The following REEP1 variants were observed in gnomAD, a reference collection of about 807,000 sequenced individuals.
The protein encoded by REEP1 is receptor expression-enhancing protein 1.
In REEP1, 22 loss-of-function variants were observed where a neutral mutation model predicts 40.3. The observed-to-expected ratio is 0.55, with a 90% CI of 0.39 to 0.78. The LOEUF (loss-of-function observed/expected upper bound fraction) is 0.78. Among genes scored for constraint, REEP1 ranks in the 30% least tolerant of loss-of-function variants. The probability of loss-of-function intolerance (pLI) is 0.00; values close to 1 mark genes in which losing one functional copy is unlikely to be tolerated. For synonymous variants in REEP1, 116 were observed against 139.2 expected (o/e 0.83, Z 1.17); for missense variants, 280 against 361.1 (o/e 0.78, Z 1.82).
At chr2:86,234,517 C>CA (rs1445524844) in intron 5 of REEP1, among the ~76,000 whole-genome samples, 1 of 151,456 alleles carries the variant, frequency 6.6e-6, no homozygotes, top group African/African-American at 2.4e-5. Context: ...GGCCCTGTCT[C>CA]AAAAAAATAA....
intron 2 of REEP1, among the ~76,000 whole-genome samples, chr2:86,268,556 C>T (rs1270304176): frequency 1.3e-5 from 2 of 152,116 alleles, no homozygotes; most frequent in Non-Finnish European, 2.9e-5. Flanking sequence ...CAGCTCTTCC[C>T]AACTTGATCT....
intron 2 of REEP1, among the ~76,000 whole-genome samples, chr2:86,265,825 C>T (rs946283373): frequency 2.6e-5 from 4 of 152,064 alleles, no homozygotes; most frequent in African/African-American, 4.8e-5. Context: ...GAGAAACTAC[C>T]GAATGGGTAC....
chr2:86,324,985 A>AT (rs1387295103), intron 1 of REEP1, among the ~76,000 whole-genome samples: 1 of 152,242 alleles, frequency 6.6e-6, no homozygotes, highest in Non-Finnish European at 1.5e-5. Flanking sequence ...TCACTGTACT[A>AT]TTATCCATTA....
At chr2:86,234,678 G>A (rs1441334653) in intron 5 of REEP1, among the ~76,000 whole-genome samples, 2 of 152,176 alleles carry the variant, frequency 1.3e-5, no homozygotes, top group African/African-American at 4.8e-5. Context: ...TGTAAGTCCA[G>A]GCCAAGAAGT....
At chr2:86,335,725 T>C (rs1175783005) in intron 1 of REEP1, among the ~76,000 whole-genome samples, 1 of 151,846 alleles carries the variant, frequency 6.6e-6, no homozygotes, top group Non-Finnish European at 1.5e-5. Flanking sequence ...GGCAGGCGCT[T>C]GTAATCCCAG....
chr2:86,233,281 C>T (rs13432512), intron 5 of REEP1, among the ~76,000 whole-genome samples: 10,259 of 152,248 alleles, frequency 0.067, 1,137 homozygotes, highest in African/African-American at 0.23. Context: ...TCAAAGGACA[C>T]AAAATACAGA....
chr2:86,329,411 G>T (rs1680660838), intron 1 of REEP1, among the ~76,000 whole-genome samples: 1 of 152,168 alleles, frequency 6.6e-6, no homozygotes, highest in Non-Finnish European at 1.5e-5. Flanking sequence ...CATATCAAAA[G>T]GTTCTTGGCT....
intron 5 of REEP1, among the ~76,000 whole-genome samples, chr2:86,244,312 G>A (rs1255352166): frequency 6.6e-6 from 1 of 151,910 alleles, no homozygotes. Context: ...GTGGGAGAGG[G>A]CTTTTTTTTT....
At chr2:86,234,343 C>G (rs1217734649) in intron 5 of REEP1, among the ~76,000 whole-genome samples, 2 of 151,842 alleles carry the variant, frequency 1.3e-5, no homozygotes, top group Admixed American at 1.3e-4. Flanking sequence ...CAAGCGAGAC[C>G]CTGTATCTAC....
At chr2:86,236,738 ATT>A (rs139892865) in intron 5 of REEP1, among the ~76,000 whole-genome samples, 33 of 145,868 alleles carry the variant, frequency 2.3e-4, no homozygotes, top group South Asian at 4.4e-4. Flanking sequence ...ATTTTCATCA[ATT>A]TTTTTTTTTT....
At chr2:86,282,046 G>A (rs1022993566) in intron 2 of REEP1, 124 bp downstream of exon 2, 3 of 746,354 alleles carry the variant, frequency 4.0e-6, no homozygotes, top group Admixed American at 3.5e-5. Context: ...CATGAGAACT[G>A]TGATGAAGGA....
intron 1 of REEP1, among the ~76,000 whole-genome samples, chr2:86,324,074 G>A (rs1470514881): frequency 6.6e-6 from 1 of 151,704 alleles, no homozygotes; most frequent in African/African-American, 2.4e-5. Flanking sequence ...AAACTGCTAG[G>A]AGCAATATGG....
chr2:86,245,704 C>T (rs1270442339), intron 5 of REEP1, among the ~76,000 whole-genome samples: 1 of 151,996 alleles, frequency 6.6e-6, no homozygotes, highest in African/African-American at 2.4e-5. Context: ...ATTCCTTTGT[C>T]GCCACCGGAC....
At chr2:86,219,942 C>G in intron 8 of REEP1, 28 bp downstream of exon 8, 1 of 1,232,032 alleles carries the variant, frequency 8.1e-7, no homozygotes, top group African/African-American at 1.5e-5. Flanking sequence ...CAAACACACT[C>G]CAACCCACAG....
At chr2:86,236,925 G>A (rs535797390) in intron 5 of REEP1, among the ~76,000 whole-genome samples, 13 of 152,200 alleles carry the variant, frequency 8.5e-5, no homozygotes, top group South Asian at 4.1e-4. Context: ...TAGTAGAGAC[G>A]GGGTTTCACC....
chr2:86,262,439 A>G (rs1289681573), intron 3 of REEP1, among the ~76,000 whole-genome samples: 3 of 152,246 alleles, frequency 2.0e-5, no homozygotes, highest in Admixed American at 2.0e-4. Flanking sequence ...GCACAAGCAT[A>G]TTGAATTAGG....
At chr2:86,289,747 A>G (rs1365752725) in intron 1 of REEP1, among the ~76,000 whole-genome samples, 3 of 152,092 alleles carry the variant, frequency 2.0e-5, no homozygotes, top group Non-Finnish European at 4.4e-5. Context: ...AAGATCTTGT[A>G]CATGTTTTGT....
chr2:86,282,692 A>C (rs548720476), intron 1 of REEP1, among the ~76,000 whole-genome samples: 1 of 151,636 alleles, frequency 6.6e-6, no homozygotes, highest in East Asian at 1.9e-4. Flanking sequence ...GCTAGAATAA[A>C]CTCTTCACAT....
intron 5 of REEP1, among the ~76,000 whole-genome samples, chr2:86,248,232 T>C (rs932714285): frequency 1.3e-5 from 2 of 151,902 alleles, no homozygotes; most frequent in African/African-American, 4.8e-5. Flanking sequence ...GGAAGAGTAT[T>C]CTCACCATGC....
Sources: gnomAD v4.1 joint callset for allele counts (sites outside exome capture counted in the v4.1 genomes callset) on GRCh38, gnomAD v4.1.1 for gene constraint, MANE v1.5 for transcripts, NCBI Gene and HGNC (gene_info 2026-07-23, HGNC 2026-07-21) for gene names.